The following PDE1C variants were observed in gnomAD, a reference collection of about 807,000 sequenced individuals.
PDE1C encodes dual specificity calcium/calmodulin-dependent 3',5'-cyclic nucleotide phosphodiesterase 1C.
A neutral mutation model predicts 93.1 loss-of-function variants in PDE1C; 62 were observed. The observed-to-expected ratio is 0.67, with a 90% CI of 0.54 to 0.82. PDE1C has a LOEUF of 0.82. Among genes scored for constraint, PDE1C ranks in the 40% least tolerant of loss-of-function variants. The pLI is 0.00. For synonymous variants in PDE1C, 325 were observed against 310.1 expected (o/e 1.05, Z -0.50); for missense variants, 742 against 884.6 (o/e 0.84, Z 2.04).
At chr7:32,248,901 T>C (rs974115736) in intron 1 of PDE1C, among the ~76,000 whole-genome samples, 1 of 152,132 alleles carries the variant, frequency 6.6e-6, no homozygotes, top group Non-Finnish European at 1.5e-5. Context: ...ACATGAGACA[T>C]GTTGGGTAGG....
chr7:31,778,044 C>T (rs981646130), intron 16 of PDE1C, among the ~76,000 whole-genome samples: 1 of 152,114 alleles, frequency 6.6e-6, no homozygotes, highest in Non-Finnish European at 1.5e-5. Context: ...GGGAATGGAG[C>T]CAGCAATTTG....
Position 31,794,664 on chromosome 7 carries a change from G to A in PDE1C, c.1891+14367C>T, listed in dbSNP as rs1441101916. On this transcript the variant is annotated intron_variant, in intron 16 of 17. Coordinates refer to ENST00000396191, the MANE Select transcript of PDE1C (RefSeq NM_001191057.4). ...GCCCACTTTTAGCAGACAAGTAAAA[G>A]TCAGGCATCAGTAACTCCTACAACT... 7.9e-5 allele frequency among the ~76,000 whole-genome samples: 12 copies of A among 152,062 alleles called. No homozygotes were observed. The East Asian group carries it at 2.1e-3, about 27-fold the overall frequency.
intron 2 of PDE1C, among the ~76,000 whole-genome samples, chr7:32,015,144 A>C (rs2128597490): frequency 6.6e-6 from 1 of 152,158 alleles, no homozygotes; most frequent in African/African-American, 2.4e-5. Flanking sequence ...CATGATTGTA[A>C]GTTTCCTGAA....
At chr7:31,799,098 T>C (rs753721382) in intron 16 of PDE1C, among the ~76,000 whole-genome samples, 1 of 151,704 alleles carries the variant, frequency 6.6e-6, no homozygotes. Context: ...AGGGTCCGTA[T>C]AACCAGTGAA....
chr7:31,709,550 A>G, the PDE1C span, among the ~76,000 whole-genome samples: 301 of 152,270 alleles, frequency 2.0e-3, 2 homozygotes, highest in African/African-American at 7.0e-3. Flanking sequence ...CAGCATCTGA[A>G]AGACTTCAAG....
At chr7:32,414,311 A>G (rs1785229835) in intron 1 of PDE1C, among the ~76,000 whole-genome samples, 3 of 152,128 alleles carry the variant, frequency 2.0e-5, no homozygotes, top group African/African-American at 4.8e-5. Flanking sequence ...AAGATGTATA[A>G]CTATATTTAT....
the PDE1C span, among the ~76,000 whole-genome samples, chr7:31,650,769 C>A: frequency 1.4e-4 from 21 of 152,294 alleles, no homozygotes; most frequent in African/African-American, 4.8e-4. Context: ...TACCCAGCAA[C>A]AAAGTTAAAC....
intron 1 of PDE1C, among the ~76,000 whole-genome samples, chr7:32,295,918 T>C (rs1020619495): frequency 7.4e-6 from 1 of 135,210 alleles, no homozygotes; most frequent in Non-Finnish European, 1.6e-5. Context: ...AAAAAAAAAA[T>C]GTACTTATGA....
chr7:32,005,535 G>A (rs1365045868), intron 2 of PDE1C, among the ~76,000 whole-genome samples: 4 of 114,652 alleles, frequency 3.5e-5, no homozygotes, highest in African/African-American at 6.9e-5. Flanking sequence ...CAGCCTGGGC[G>A]ACAGAGCGAG....
At chr7:31,722,355 G>A in the PDE1C span, among the ~76,000 whole-genome samples, 10 of 152,176 alleles carry the variant, frequency 6.6e-5, no homozygotes, top group Non-Finnish European at 1.3e-4. Context: ...GATATAAAAT[G>A]TAATAGCAAC....
intron 3 of PDE1C, among the ~76,000 whole-genome samples, chr7:32,112,850 A>G (rs62458874): frequency 0.15 from 8,075 of 53,164 alleles, 293 homozygotes; most frequent in East Asian, 0.39. Flanking sequence ...GTGTGTGTAT[A>G]TATATATATA....
chr7:31,848,543 C>A (rs1048617502), intron 8 of PDE1C, among the ~76,000 whole-genome samples: 1 of 152,044 alleles, frequency 6.6e-6, no homozygotes, highest in African/African-American at 2.4e-5. Context: ...CTGTAAGCTG[C>A]CTCTGATAGT....
chr7:32,357,059 C>T (rs937917550), intron 1 of PDE1C, among the ~76,000 whole-genome samples: 1 of 152,188 alleles, frequency 6.6e-6, no homozygotes, highest in African/African-American at 2.4e-5. Flanking sequence ...TTAGGCCGGG[C>T]TCAGTGGCTC....
intron 1 of PDE1C, among the ~76,000 whole-genome samples, chr7:32,066,674 A>G (rs1004665040): frequency 2.6e-5 from 4 of 152,150 alleles, no homozygotes; most frequent in Non-Finnish European, 5.9e-5. Flanking sequence ...AGGCTTCATC[A>G]GGGGTATATA....
intron 1 of PDE1C, among the ~76,000 whole-genome samples, chr7:32,267,169 C>T (rs1272546641): frequency 6.6e-6 from 1 of 152,222 alleles, no homozygotes; most frequent in African/African-American, 2.4e-5. Context: ...TCGTTAGAGA[C>T]CCGACCCTGA....
At chr7:31,674,825 G>T in the PDE1C span, among the ~76,000 whole-genome samples, 2 of 152,184 alleles carry the variant, frequency 1.3e-5, no homozygotes, top group Non-Finnish European at 2.9e-5. Flanking sequence ...AGATGTGCTA[G>T]ATGTAGTTGA....
chr7:32,049,635 A>G (rs1793076474), intron 2 of PDE1C, among the ~76,000 whole-genome samples: 1 of 152,174 alleles, frequency 6.6e-6, no homozygotes, highest in South Asian at 2.1e-4. Flanking sequence ...AGACTAAAGC[A>G]GTGATCTAAA....
At chr7:32,131,773 CATTT>C (rs756920501) in intron 3 of PDE1C, among the ~76,000 whole-genome samples, 52 of 152,226 alleles carry the variant, frequency 3.4e-4, no homozygotes, top group Middle Eastern at 6.8e-3. Context: ...TTTCTTCATT[CATTT>C]AACACCTCTT....
At chr7:32,156,260 C>T (rs1159614600) in intron 3 of PDE1C, among the ~76,000 whole-genome samples, 1 of 152,126 alleles carries the variant, frequency 6.6e-6, no homozygotes, top group Non-Finnish European at 1.5e-5. Context: ...CATGCATTAA[C>T]TATTTATCCT....
Sources: allele counts gnomAD v4.1 joint callset (sites outside exome capture counted in the v4.1 genomes callset), GRCh38; gene constraint gnomAD v4.1.1; transcripts MANE v1.5; gene names NCBI Gene and HGNC (gene_info 2026-07-23, HGNC 2026-07-21).